Variants in ADA observed in about 807,000 individuals in gnomAD.
ADA encodes the protein adenosine deaminase, also known as adenosine aminohydrolase.
In ADA, 45 loss-of-function variants were observed where a neutral mutation model predicts 49.0. That is an observed-to-expected ratio of 0.92 (90% confidence interval 0.72 to 1.18). The LOEUF (loss-of-function observed/expected upper bound fraction) is 1.18, where lower values mean the gene tolerates loss of function less well. ADA is among the 50% of genes most tolerant of loss of function. The pLI, the probability that ADA is intolerant of heterozygous loss-of-function variation, is 0.00. For missense variants in ADA, 445 were observed against 472.5 expected, an observed-to-expected ratio of 0.94 and a Z score of 0.54; for synonymous variants, 173 against 184.2, an observed-to-expected ratio of 0.94 and a Z score of 0.49.
chr20:44,637,031 C>T lies in ADA; in HGVS notation c.34-743G>A, dbSNP rs147923957. 9.1e-3 allele frequency among the ~76,000 whole-genome samples: 1,387 copies of T among 152,272 alleles called. 6 individuals are homozygous for T. Among genetic ancestry groups the T allele is most frequent in the Non-Finnish European group, 0.014 (973 of 68,020 alleles). On this transcript the variant is annotated intron_variant, in intron 1 of 11. Coordinates refer to ENST00000372874, the MANE Select transcript of ADA (RefSeq NM_000022.4). Reference sequence around the variant, plus strand: ...ATGTTGCTCAGGCTAGTCTCGAACTCCTGACCTCAGGTGTCCACCCACCTC... The same window carrying T: ...ATGTTGCTCAGGCTAGTCTCGAACTTCTGACCTCAGGTGTCCACCCACCTC...
chr20:44,645,800 T>C (rs1166035835), intron 1 of ADA, among the ~76,000 whole-genome samples: 1 of 152,054 alleles, frequency 6.6e-6, no homozygotes, highest in Non-Finnish European at 1.5e-5. Flanking sequence ...TCATTCAAGC[T>C]CCTCTAGCTG....
chr20:44,650,569 G>A (rs1022426499), intron 1 of ADA, among the ~76,000 whole-genome samples: 7 of 151,616 alleles, frequency 4.6e-5, no homozygotes, highest in East Asian at 3.9e-4. Context: ...CTGGGACTAC[G>A]GGAGTGCACC....
chr20:44,620,879 A>G (rs2065323632), intron 10 of ADA, 139 bp downstream of exon 10: 1 of 1,164,634 alleles, frequency 8.6e-7, no homozygotes, highest in Non-Finnish European at 1.3e-6. Context: ...TCTCTGTGGA[A>G]AGTGTCTAGG....
intron 1 of ADA, among the ~76,000 whole-genome samples, chr20:44,645,844 C>T (rs1230239638): frequency 1.3e-5 from 2 of 152,130 alleles, no homozygotes; most frequent in Non-Finnish European, 2.9e-5. Flanking sequence ...ACCCAGAGAG[C>T]CTGACCCCAG....
chr20:44,632,600 G>A (rs2065443642), intron 2 of ADA, among the ~76,000 whole-genome samples: 1 of 152,214 alleles, frequency 6.6e-6, no homozygotes, highest in Admixed American at 6.5e-5. Context: ...AGTTGAAGCA[G>A]GAAAGAGCTG....
intron 4 of ADA, chr20:44,626,225 A>G (rs2065380941): frequency 1.6e-6 from 1 of 638,028 alleles, no homozygotes; most frequent in Admixed American, 2.5e-5. Context: ...GGCCAGAGCA[A>G]GACACAGCCA....
intron 10 of ADA, chr20:44,620,755 C>T (rs2065322548): frequency 1.7e-6 from 1 of 574,660 alleles, no homozygotes; most frequent in East Asian, 3.1e-5. Context: ...AGCTGCTGCA[C>T]ACACCTTTCT....
chr20:44,635,821 C>T (rs2065474292), intron 2 of ADA, among the ~76,000 whole-genome samples: 1 of 152,106 alleles, frequency 6.6e-6, no homozygotes, highest in Non-Finnish European at 1.5e-5. Context: ...TCACTTGAAC[C>T]CAGGAGGTGG....
chr20:44,626,053 G>A (rs1023159053), intron 4 of ADA, among the ~76,000 whole-genome samples: 4 of 152,200 alleles, frequency 2.6e-5, no homozygotes, highest in African/African-American at 9.7e-5. Flanking sequence ...GATCCATGGG[G>A]GCCCAGGCAG....
chr20:44,644,876 C>T (rs2065574163), intron 1 of ADA, among the ~76,000 whole-genome samples: 1 of 152,202 alleles, frequency 6.6e-6, no homozygotes, highest in Admixed American at 6.5e-5. Context: ...GTGTCTTCCA[C>T]CTGGGGAAAT....
chr20:44,623,096 A>G lies in ADA; in HGVS notation c.607-18T>C. The G allele has an allele frequency of 6.2e-7, 1 of 1,613,796 alleles. No individual in the cohort carries two copies. The highest frequency in any genetic ancestry group is 8.5e-7 in the Non-Finnish European group (1 of 1,179,972). On this transcript the variant is annotated intron_variant, in intron 6 of 11. Transcript: ENST00000372874. ...ACAGCCTCCTGGAAGGGGGAGAGCC[A>G]GGTCATGGGTGCCCTAGCGGGAGGG...
At chr20:44,634,305 T>C (rs749552843) in intron 2 of ADA, among the ~76,000 whole-genome samples, 1 of 152,218 alleles carries the variant, frequency 6.6e-6, no homozygotes, top group Admixed American at 6.5e-5. Context: ...CTTAGAGATA[T>C]AAGCTCCAAT....
chr20:44,623,751 C>CT (rs34833873), intron 6 of ADA, among the ~76,000 whole-genome samples: 2,971 of 132,842 alleles, frequency 0.022, 94 homozygotes, highest in African/African-American at 0.074. Flanking sequence ...TTCTTTCTTC[C>CT]TTTTTTTTTT....
rs577199346 is a variant in ADA, at chr20:44,641,564, G to C, written c.34-5276C>G. On this transcript the variant is annotated intron_variant, in intron 1 of 11. Coordinates refer to ENST00000372874, the MANE Select transcript of ADA (RefSeq NM_000022.4). ...TGGGGATGATTGAGGCTGAGTGAAA[G>C]GAGTTGCATGAGGTTACTGGGAAGG... is the stretch of plus-strand genomic sequence containing the variant. Among the ~76,000 whole-genome samples, 13 of 152,198 alleles carry C rather than the reference G, an allele frequency of 8.5e-5. No homozygotes were observed. In the East Asian group the frequency reaches 2.5e-3, roughly 29 times the overall value.
intron 3 of ADA, among the ~76,000 whole-genome samples, chr20:44,628,525 CAATAAATAAATA>C (rs3091476): frequency 1.9e-4 from 29 of 149,372 alleles, no homozygotes; most frequent in South Asian, 6.5e-4. Flanking sequence ...GACTCTGTCT[CAATAAATAAATA>C]AATAAATAAA....
At chr20:44,624,918 C>T (rs1004007345) in intron 5 of ADA, among the ~76,000 whole-genome samples, 1 of 152,262 alleles carries the variant, frequency 6.6e-6, no homozygotes, top group African/African-American at 2.4e-5. Flanking sequence ...GTTTCCTCAT[C>T]TGTCAAATGG....
chr20:44,630,883 G>A (rs1326695924), intron 2 of ADA, among the ~76,000 whole-genome samples: 2 of 152,074 alleles, frequency 1.3e-5, no homozygotes, highest in Admixed American at 6.5e-5. Flanking sequence ...GCGTGGTGGC[G>A]TGCACCTGTA....
At chr20:44,632,591 G>A (rs1293002868) in intron 2 of ADA, among the ~76,000 whole-genome samples, 1 of 152,166 alleles carries the variant, frequency 6.6e-6, no homozygotes, top group Non-Finnish European at 1.5e-5. Context: ...GGAGCCCAAA[G>A]TTGAAGCAGG....
intron 1 of ADA, among the ~76,000 whole-genome samples, chr20:44,642,484 G>A (rs1386459596): frequency 2.6e-5 from 4 of 152,212 alleles, no homozygotes; most frequent in Non-Finnish European, 5.9e-5. Flanking sequence ...AAGAAGGAGA[G>A]GGAGAATGGC....
Sources: gnomAD v4.1 joint callset for allele counts (sites outside exome capture counted in the v4.1 genomes callset) on GRCh38, gnomAD v4.1.1 for gene constraint, MANE v1.5 for transcripts, NCBI Gene and HGNC (gene_info 2026-07-23, HGNC 2026-07-21) for gene names.